The following PLEKHG4B variants were observed in gnomAD, a reference collection of about 807,000 sequenced individuals.
The protein encoded by PLEKHG4B is pleckstrin homology domain-containing family G member 4B.
In PLEKHG4B, 111 loss-of-function variants were observed where a neutral mutation model predicts 121.3. The observed-to-expected ratio is 0.92, with a 90% CI of 0.78 to 1.07. The LOEUF (loss-of-function observed/expected upper bound fraction) is 1.07, where lower values mean the gene tolerates loss of function less well. Ranked by LOEUF, PLEKHG4B falls within the 50% of genes least tolerant of loss-of-function variation. PLEKHG4B has a pLI of 0.00. For synonymous variants in PLEKHG4B, 738 were observed against 725.0 expected, an observed-to-expected ratio of 1.02 and a Z score of -0.29; for missense variants, 1,831 against 1,757.8, an observed-to-expected ratio of 1.04 and a Z score of -0.74.
intron 1 of PLEKHG4B, among the ~76,000 whole-genome samples, chr5:97,551 A>G (rs561520238): frequency 3.3e-5 from 5 of 152,286 alleles, no homozygotes; most frequent in Admixed American, 3.3e-4. Flanking sequence ...CGCACAATAT[A>G]TAGGGTTGTG....
rs191155223 is a variant in PLEKHG4B, at chr5:137,518, T to C, written c.244-1965T>C. Among the ~76,000 whole-genome samples the C allele has an allele frequency of 1.8e-3, 279 of 152,236 alleles. 1 individual carries two copies. Among genetic ancestry groups the C allele is most frequent in the Admixed American group, 4.1e-3 (62 of 15,286 alleles). Reference sequence around the variant, plus strand: ...AACCCGGACCAGTTCCCTTCTACAGTGAAGAAACCCTATGCATATTGGAAA... The same window carrying C: ...AACCCGGACCAGTTCCCTTCTACAGCGAAGAAACCCTATGCATATTGGAAA... On this transcript the variant is annotated intron_variant, in intron 2 of 19. Transcript: ENST00000637938. The surrounding 1 kb of genome is among the most constrained non-coding windows in gnomAD (Gnocchi z 4.2).
At chr5:153,688 T>C (rs1560933315) in intron 7 of PLEKHG4B, among the ~76,000 whole-genome samples, 2 of 152,226 alleles carry the variant, frequency 1.3e-5, no homozygotes, top group African/African-American at 2.4e-5. Flanking sequence ...ATATTTTATT[T>C]ATGTTTTTAT....
rs145985783 is a variant in PLEKHG4B, at chr5:187,442, C to G, written c.*5119C>G. 1 of 152,372 alleles carries G rather than the reference C, an allele frequency of 6.6e-6. No homozygotes were observed. Among genetic ancestry groups the G allele is most frequent in the Non-Finnish European group, 1.5e-5 (1 of 68,252 alleles). 9.4% of individuals were successfully genotyped at this position (152,372 alleles called of 1,614,324 possible). A position where few individuals can be genotyped will look rare whatever the true frequency, so the allele number is the denominator to read the frequency against. On this transcript the variant is annotated 3_prime_UTR_variant, in exon 20 of 20. Coordinates refer to ENST00000637938, the MANE Select transcript of PLEKHG4B (RefSeq NM_052909.5). Reference sequence around the variant, plus strand: ...TGGGTTTTGAGGGAGCCCTAAGAACCTGAGAGACTTAGATGGAGCATGGCA... The same window carrying G: ...TGGGTTTTGAGGGAGCCCTAAGAACGTGAGAGACTTAGATGGAGCATGGCA...
chr5:140,806 T>A, intron 3 of PLEKHG4B, 90 bp downstream of exon 3: 2 of 771,892 alleles, frequency 2.6e-6, no homozygotes, highest in Non-Finnish European at 3.4e-6. Flanking sequence ...CCCCCTTCCC[T>A]ACAAACCCCC....
rs1735926125 is a variant in PLEKHG4B at position 159,632 on chromosome 5, C to G, written c.2488-2151C>G. 6.6e-6 allele frequency among the ~76,000 whole-genome samples: 1 copy of G among 152,160 alleles called. No individual in the cohort carries two copies. The highest frequency in any genetic ancestry group is 2.1e-4 in the South Asian group (1 of 4,826). On this transcript the variant is annotated intron_variant, in intron 11 of 19. Transcript: ENST00000637938. This position sits in a 1 kb window ranked among gnomAD's most constrained non-coding sequence, Gnocchi z 5.5. ...AGTCTGTGGCTTCTGTGGGTTTGTT[C>G]TGGCGCCAGAGGCTTTCCTGGCGAC...
chr5:104,618 G>A (rs955979690), intron 1 of PLEKHG4B, among the ~76,000 whole-genome samples: 2 of 152,194 alleles, frequency 1.3e-5, no homozygotes. Context: ...GAAGAGGGCT[G>A]TATTAATCAC....
intron 6 of PLEKHG4B, among the ~76,000 whole-genome samples, chr5:145,167 A>G (rs1269293257): frequency 6.6e-6 from 1 of 152,184 alleles, no homozygotes; most frequent in African/African-American, 2.4e-5. Flanking sequence ...GACTTGGGGA[A>G]GCTTCATGCT....
At chr5:140,808 CA>C in intron 3 of PLEKHG4B, 92 bp downstream of exon 3, 3 of 1,052,100 alleles carry the variant, frequency 2.9e-6, no homozygotes, top group African/African-American at 4.2e-5. Context: ...CCCTTCCCTA[CA>C]AACCCCCACA....
chr5:140,698 G>A lies in PLEKHG4B; in HGVS notation c.1459G>A (p.Gly487Ser), dbSNP rs73022563. 9.8e-5 allele frequency: 155 copies of A among 1,577,386 alleles called. No homozygotes were observed. In the Admixed American group the frequency reaches 1.1e-3, roughly 11 times the overall value. The change falls in exon 3 of 20, where the codon GGC (glycine) becomes AGC (serine). Residue 487 changes from glycine to serine, a missense_variant. Gly to Ser is a moderately conservative substitution (Grantham distance 56). Coordinates refer to ENST00000637938, the MANE Select transcript of PLEKHG4B (RefSeq NM_052909.5). ...AAACTGTGTCCCAGTAGAGGGTCCC[G>A]GCTGCACCAAAGAGGAAGGTAAATG... is the stretch of plus-strand genomic sequence containing the variant. Reference protein sequence around the residue: ...TPNCVPVEGPGCTKEEDVLAS... With the variant: ...TPNCVPVEGPSCTKEEDVLAS...
At position 157,997 on chromosome 5, in the gene PLEKHG4B, C is replaced by T. The variant is rs893359745; in HGVS notation, c.2487+1086C>T. Among the ~76,000 whole-genome samples, 1 of 152,162 alleles carries T rather than the reference C, an allele frequency of 6.6e-6. No individual in the cohort carries two copies. Among genetic ancestry groups the T allele is most frequent in the African/African-American group, 2.4e-5 (1 of 41,440 alleles). ...TGCTCCTGGCCTCCCCACGACTGACCCCAGCTCCCAAATATTGGCCAGGGG... is the reference window on the plus strand; with the variant it reads ...TGCTCCTGGCCTCCCCACGACTGACTCCAGCTCCCAAATATTGGCCAGGGG... On this transcript the variant is annotated intron_variant, in intron 11 of 19. Transcript: ENST00000637938. The surrounding 1 kb of genome is among the most constrained non-coding windows in gnomAD (Gnocchi z 4.6).
At chr5:150,007 T>C (rs1407403449) in intron 6 of PLEKHG4B, among the ~76,000 whole-genome samples, 1 of 152,208 alleles carries the variant, frequency 6.6e-6, no homozygotes, top group East Asian at 1.9e-4. Context: ...CCAACAATAC[T>C]GTGTCTGGGT....
chr5:162,837 G>A lies in PLEKHG4B; in HGVS notation c.2765G>A (p.Gly922Glu), dbSNP rs1254047712. The A allele has an allele frequency of 9.3e-6, 14 of 1,511,874 alleles. No homozygotes were observed. Among genetic ancestry groups the A allele is most frequent in the Non-Finnish European group, 1.1e-5 (12 of 1,129,962 alleles). The allele number at this position is 1,511,874 out of a possible 1,614,324, so 93.7% of individuals were successfully genotyped here. A position where few individuals can be genotyped will look rare whatever the true frequency, so the allele number is the denominator to read the frequency against. ...ATSVAAEAFP[G>E]AGVAVLKPHA... ...TCGGTGGCTGCAGAGGCCTTCCCCG[G>A]GGCAGGTGTGGCAGTGCTGAAGCCT... The change falls in exon 13 of 20, where the codon GGG becomes GAG. Residue 922 changes from glycine to glutamate, a missense_variant. Gly to Glu is a moderately conservative substitution (Grantham distance 98). Transcript: ENST00000637938.
intron 2 of PLEKHG4B, among the ~76,000 whole-genome samples, chr5:116,605 A>G (rs1362775744): frequency 6.6e-6 from 1 of 152,234 alleles, no homozygotes; most frequent in Non-Finnish European, 1.5e-5. Flanking sequence ...AGGCCGGGGT[A>G]AAACTGTAGT....
At chr5:95,797 G>T (rs1733613218) in intron 1 of PLEKHG4B, among the ~76,000 whole-genome samples, 1 of 152,102 alleles carries the variant, frequency 6.6e-6, no homozygotes, top group Non-Finnish European at 1.5e-5. Context: ...CCCTTCTAGT[G>T]TCTAGTGGAG....
intron 7 of PLEKHG4B, among the ~76,000 whole-genome samples, chr5:152,722 T>G (rs1735647081): frequency 6.6e-6 from 1 of 152,214 alleles, no homozygotes; most frequent in Non-Finnish European, 1.5e-5. Context: ...CTCACTAATG[T>G]GGCTTGGCTC....
In PLEKHG4B at chr5:171,248, T is replaced by C; in HGVS notation, c.3854T>C (p.Leu1285Pro). 1.9e-6 allele frequency: 3 copies of C among 1,607,986 alleles called. No individual in the cohort carries two copies. The highest frequency in any genetic ancestry group is 1.1e-5 in the South Asian group (1 of 90,608). Residue 1285 changes from leucine (L) to proline (P), a missense_variant, in exon 16 of 20, where the codon CTG (leucine) becomes CCG (proline). Physicochemically the swap from Leu to Pro is moderately conservative, Grantham distance 98. Coordinates refer to ENST00000637938, the MANE Select transcript of PLEKHG4B (RefSeq NM_052909.5). ...CGGGAGCTAGGTGACAAAATGGACC[T>C]GGCCTCCTACCTGCTGCGGCCCGTG... is the stretch of plus-strand genomic sequence containing the variant. ...KQRELGDKMD[L>P]ASYLLRPVQR...
At position 143,123 on chromosome 5, in the gene PLEKHG4B, T is replaced by C; in HGVS notation, c.1554T>C (p.Asp518=). ...LHCHNPSGPS[D]VPARQPHPEQ... ...GCCACAACCCCAGCGGGCCTTCCGA[T>C]GTGCCTGCCCGGCAGCCACACCCCG... Residue 518 remains aspartate (D), a synonymous_variant, in exon 4 of 20, where the codon GAT becomes GAC. Transcript: ENST00000637938. 2.5e-6 allele frequency: 4 copies of C among 1,612,844 alleles called. No individual in the cohort carries two copies. Among genetic ancestry groups the C allele is most frequent in the Non-Finnish European group, 2.5e-6 (3 of 1,179,996 alleles).
chr5:114,512 C>T (rs898051935), intron 2 of PLEKHG4B, among the ~76,000 whole-genome samples: 8 of 152,098 alleles, frequency 5.3e-5, no homozygotes, highest in Admixed American at 3.9e-4. Flanking sequence ...GGCTGGAGTA[C>T]AGTGGTGCAA....
At chr5:129,517 T>C (rs1316538005) in intron 2 of PLEKHG4B, among the ~76,000 whole-genome samples, 1 of 152,234 alleles carries the variant, frequency 6.6e-6, no homozygotes, top group Non-Finnish European at 1.5e-5. Flanking sequence ...CTCCCTAAAA[T>C]GTATAAAACC....
Sources: gnomAD v4.1 joint callset for allele counts (sites outside exome capture counted in the v4.1 genomes callset) on GRCh38, gnomAD v4.1.1 for gene constraint, Gnocchi (gnomAD v3.1) non-coding constraint, MANE v1.5 for transcripts, NCBI Gene and HGNC (gene_info 2026-07-23, HGNC 2026-07-21) for gene names.